The following ZNF407 variants were observed in gnomAD, a reference collection of about 807,000 sequenced individuals.
ZNF407 encodes zinc finger protein 407.
A neutral mutation model predicts 131.2 loss-of-function variants in ZNF407; 17 were observed. The ratio of observed to expected loss-of-function variants is 0.13; its 90% CI spans 0.09 to 0.19. The LOEUF is 0.19. ZNF407 is among the 10% of genes least tolerant of loss of function. ZNF407 has a pLI of 1.00. For synonymous variants in ZNF407, 1,156 were observed against 1,062.0 expected, an observed-to-expected ratio of 1.09 and a Z score of -1.72; for missense variants, 2,681 against 2,830.6, an observed-to-expected ratio of 0.95 and a Z score of 1.20.
intron 3 of ZNF407, among the ~76,000 whole-genome samples, chr18:74,704,202 C>A (rs1967568742): frequency 6.6e-6 from 1 of 152,214 alleles, no homozygotes; most frequent in African/African-American, 2.4e-5. Context: ...CTCCCTAAAT[C>A]TTCTGGTAAA....
chr18:74,634,398 T>A lies in ZNF407; in HGVS notation c.3379T>A (p.Cys1127Ser). 1 of 1,613,602 alleles carries A rather than the reference T, an allele frequency of 6.2e-7. No individual in the cohort carries two copies. The highest frequency in any genetic ancestry group is 8.5e-7 in the Non-Finnish European group (1 of 1,179,852). The change falls in exon 2 of 9, where the codon TGC (cysteine) becomes AGC (serine). Residue 1127 changes from cysteine (C) to serine (S), a missense_variant. Transcript: ENST00000299687. ...DTLKSRNAAD[C>S]SILNENTNLD... ...TCTTAAATCTAGAAATGCTGCAGAT[T>A]GCTCTATTTTAAATGAGAATACTAA...
At position 74,635,663 on chromosome 18, in the gene ZNF407, C is replaced by G; in HGVS notation, c.4644C>G (p.Ser1548Arg). 3 of 1,607,320 alleles carry G rather than the reference C, an allele frequency of 1.9e-6. No individual in the cohort carries two copies. Among genetic ancestry groups the G allele is most frequent in the Non-Finnish European group, 2.6e-6 (3 of 1,176,122 alleles). The change falls in exon 2 of 9, where the codon AGC becomes AGG. Residue 1548 changes from serine to arginine, a missense_variant. Ser to Arg is a moderately radical substitution (Grantham distance 110). Transcript: ENST00000299687. This position sits in a 1 kb window ranked among gnomAD's most constrained non-coding sequence, Gnocchi z 4.7. ...VCKYCGKMCR[S>R]SNSMAFLAHI... ...AGTATTGTGGGAAGATGTGTCGAAG[C>G]AGCAACTCGATGGCCTTCCTGGCAC...
intron 3 of ZNF407, among the ~76,000 whole-genome samples, chr18:74,713,792 A>G (rs757899466): frequency 8.2e-4 from 125 of 152,164 alleles, no homozygotes; most frequent in Non-Finnish European, 2.8e-4. Context: ...TGATGCCATT[A>G]CAAATATTTT....
chr18:74,690,915 A>G (rs1265680834), intron 3 of ZNF407, among the ~76,000 whole-genome samples: 2 of 152,190 alleles, frequency 1.3e-5, no homozygotes, highest in African/African-American at 2.4e-5. Flanking sequence ...CAGCTTTTCA[A>G]TACTTGTGGA....
chr18:75,062,933 T>C (rs8093688), intron 8 of ZNF407: 64,233 of 486,816 alleles, frequency 0.13, 4,981 homozygotes, highest in African/African-American at 0.26. Flanking sequence ...GCACACCCAG[T>C]ATTAACTGTG....
At chr18:74,948,874 A>G (rs1972183263) in intron 8 of ZNF407, among the ~76,000 whole-genome samples, 1 of 152,268 alleles carries the variant, frequency 6.6e-6, no homozygotes, top group Non-Finnish European at 1.5e-5. Flanking sequence ...AATAAAAGTC[A>G]GAAATAAAGA....
chr18:74,666,557 T>C (rs1020543087), intron 3 of ZNF407, among the ~76,000 whole-genome samples: 1 of 152,198 alleles, frequency 6.6e-6, no homozygotes, highest in African/African-American at 2.4e-5. Context: ...GATGGAACTA[T>C]CCTTCAGTGA....
chr18:74,633,832 C>T lies in ZNF407; in HGVS notation c.2813C>T (p.Ala938Val). The T allele has an allele frequency of 1.2e-6, 2 of 1,613,980 alleles. No individual in the cohort carries two copies. Among genetic ancestry groups the T allele is most frequent in the South Asian group, 1.1e-5 (1 of 91,084 alleles). ...LEAGKKNAGS[A>V]VTMSDEHANK... ...GCTGGTAAAAAGAATGCTGGCTCAG[C>T]AGTGACCATGTCAGATGAACATGCT... Residue 938 changes from alanine to valine, a missense_variant, in exon 2 of 9, where the codon GCA becomes GTA. Around this residue, in one of 6 missense-constraint regions of ZNF407, gnomAD observed 1,789 missense variants for 1,748.7 expected, o/e 1.02. Coordinates refer to ENST00000299687, the MANE Select transcript of ZNF407 (RefSeq NM_017757.3).
At chr18:74,694,428 T>A (rs950560929) in intron 3 of ZNF407, among the ~76,000 whole-genome samples, 8 of 152,044 alleles carry the variant, frequency 5.3e-5, no homozygotes, top group Admixed American at 2.0e-4. Context: ...TTTATTAATT[T>A]TTTTTTCTTC....
intron 4 of ZNF407, among the ~76,000 whole-genome samples, chr18:74,818,148 C>T (rs567089020): frequency 4.2e-4 from 64 of 152,310 alleles, no homozygotes; most frequent in African/African-American, 1.5e-3. Flanking sequence ...GTGTACTGTG[C>T]TGTGCACGTT....
chr18:75,013,121 A>G (rs1296576922), intron 8 of ZNF407, among the ~76,000 whole-genome samples: 1 of 152,130 alleles, frequency 6.6e-6, no homozygotes, highest in Non-Finnish European at 1.5e-5. Flanking sequence ...TTGAATACAC[A>G]GTCATTTTGC....
rs374993295 is a variant in ZNF407, at chr18:74,632,596, C to T, written c.1577C>T (p.Thr526Met). Residue 526 changes from threonine to methionine, a missense_variant, in exon 2 of 9, where the codon ACG becomes ATG. Coordinates refer to ENST00000299687, the MANE Select transcript of ZNF407 (RefSeq NM_017757.3). ...GTGAAGCCAGCTTCTGGCTCTCAGA[C>T]GTTGTGTGCTTGTACAGACTGTGGG... Reference protein sequence around the residue: ...LTVKPASGSQTLCACTDCGQV... With the variant: ...LTVKPASGSQMLCACTDCGQV... 2.5e-5 allele frequency: 41 copies of T among 1,613,912 alleles called. No homozygotes were observed. The highest frequency in any genetic ancestry group is 1.6e-4 in the Middle Eastern group (1 of 6,084).
At chr18:74,739,510 TTA>T (rs994229242) in intron 3 of ZNF407, among the ~76,000 whole-genome samples, 2 of 150,888 alleles carry the variant, frequency 1.3e-5, no homozygotes, top group Admixed American at 6.6e-5. Context: ...TTATTTATAT[TTA>T]TATATATATA....
intron 8 of ZNF407, among the ~76,000 whole-genome samples, chr18:75,038,242 T>C (rs536604472): frequency 1.2e-4 from 18 of 152,346 alleles, no homozygotes; most frequent in Non-Finnish European, 2.4e-4. Flanking sequence ...TTTAAACCCA[T>C]GTTCATTGGC....
At chr18:74,766,833 A>G (rs184378492) in intron 3 of ZNF407, among the ~76,000 whole-genome samples, 5 of 152,338 alleles carry the variant, frequency 3.3e-5, no homozygotes, top group East Asian at 1.9e-4. Flanking sequence ...AACATCGTTA[A>G]CACATATTAT....
chr18:74,790,981 A>G (rs1365951338), intron 4 of ZNF407, among the ~76,000 whole-genome samples: 5 of 152,204 alleles, frequency 3.3e-5, no homozygotes, highest in African/African-American at 9.6e-5. Context: ...GTTTCCCCCA[A>G]TTCTTGGTCT....
At chr18:74,673,821 T>G (rs1986249528) in intron 3 of ZNF407, among the ~76,000 whole-genome samples, 1 of 152,256 alleles carries the variant, frequency 6.6e-6, no homozygotes, top group East Asian at 1.9e-4. Context: ...TATCTATGAT[T>G]CATTGTTATT....
At chr18:74,916,497 CGT>C (rs1971766706) in intron 7 of ZNF407, among the ~76,000 whole-genome samples, 1 of 22,490 alleles carries the variant, frequency 4.4e-5, no homozygotes, top group Non-Finnish European at 8.5e-5. Flanking sequence ...TGTGTGTGTG[CGT>C]GCATGTGTGT....
intron 7 of ZNF407, among the ~76,000 whole-genome samples, chr18:74,895,390 A>G (rs1971440713): frequency 6.6e-6 from 1 of 152,104 alleles, no homozygotes; most frequent in South Asian, 2.1e-4. Context: ...TCAAGTTCTT[A>G]CATGTGTGAC....
Sources: allele counts gnomAD v4.1 joint callset (sites outside exome capture counted in the v4.1 genomes callset), GRCh38; gene constraint gnomAD v4.1.1; regional missense constraint gnomAD v4.1.1; non-coding constraint Gnocchi (gnomAD v3.1); transcripts MANE v1.5; gene names NCBI Gene and HGNC (gene_info 2026-07-23, HGNC 2026-07-21).